The following GALM variants were observed in gnomAD, a reference collection of about 807,000 sequenced individuals.
GALM encodes the protein galactose mutarotase.
In GALM, 43 loss-of-function variants were observed where a neutral mutation model predicts 37.4. The ratio of observed to expected loss-of-function variants is 1.15; its 90% CI spans 0.90 to 1.48. GALM has a LOEUF of 1.48. GALM is among the 40% of genes most tolerant of loss of function. GALM has a pLI of 0.00. For synonymous variants in GALM, 199 were observed against 170.6 expected, an observed-to-expected ratio of 1.17 and a Z score of -1.30; for missense variants, 456 against 419.1, an observed-to-expected ratio of 1.09 and a Z score of -0.77.
intron 1 of GALM, 86 bp downstream of exon 1, chr2:38,666,437 AGGGACCAAGGGGGAAAGTCGCCTAGCTT>A (rs1385356201): frequency 7.5e-6 from 8 of 1,061,254 alleles, no homozygotes; most frequent in Non-Finnish European, 9.5e-6. Flanking sequence ...TTGCAATGCG[AGGGACCAAGGGGGAAAGTCGCCTAGCTT>A]GGGACCGTCT....
chr2:38,671,649 T>A (rs1665108127), intron 1 of GALM, among the ~76,000 whole-genome samples: 1 of 152,170 alleles, frequency 6.6e-6, no homozygotes, highest in African/African-American at 2.4e-5. Context: ...AATTTATTTG[T>A]TCTAAAGGGT....
At chr2:38,724,792 C>G (rs1301578128) in intron 4 of GALM, among the ~76,000 whole-genome samples, 6 of 152,094 alleles carry the variant, frequency 3.9e-5, no homozygotes, top group Admixed American at 3.9e-4. Flanking sequence ...TTTATTTATG[C>G]CAGACTCCTG....
chr2:38,720,249 T>G (rs888181617), intron 4 of GALM, among the ~76,000 whole-genome samples: 13 of 151,956 alleles, frequency 8.6e-5, no homozygotes, highest in Admixed American at 7.9e-4. Flanking sequence ...TTAATCTGTC[T>G]CTTCCACCAG....
At chr2:38,709,667 G>A (rs917755084) in intron 4 of GALM, among the ~76,000 whole-genome samples, 4 of 152,110 alleles carry the variant, frequency 2.6e-5, no homozygotes, top group South Asian at 2.1e-4. Context: ...TTGATGTTGT[G>A]TGATCTGTGA....
intron 4 of GALM, among the ~76,000 whole-genome samples, chr2:38,729,231 A>G (rs1055267128): frequency 5.3e-5 from 8 of 151,028 alleles, no homozygotes; most frequent in African/African-American, 2.0e-4. Flanking sequence ...TCTGTTACCT[A>G]TGCTGGAGTG....
In GALM at chr2:38,701,077, G is replaced by A. The variant is rs141729490; in HGVS notation, c.634+11183G>A. Among the ~76,000 whole-genome samples, 47 of 152,356 alleles carry A rather than the reference G, an allele frequency of 3.1e-4. No individual in the cohort carries two copies. In the East Asian group the frequency reaches 8.7e-3, roughly 28 times the overall value. Reference sequence around the variant, plus strand: ...GGACCTGATTCTAGTTCCCTGCCCTGTGGCAACAAGTAGAAACAGATCCCT... The same window carrying A: ...GGACCTGATTCTAGTTCCCTGCCCTATGGCAACAAGTAGAAACAGATCCCT... On this transcript the variant is annotated intron_variant, in intron 4 of 6. Coordinates refer to ENST00000272252, the MANE Select transcript of GALM (RefSeq NM_138801.3).
Position 38,733,491 on chromosome 2 carries a change from C to T in GALM, c.955C>T (p.Arg319Cys), listed in dbSNP as rs755343545. The stretch of plus-strand genomic sequence containing the variant: ...CTGTGTTGTTTCCCCTTCACAGCCC[C>T]GCTTCCCTCCTGTGCTGCTGAGGCC... ...QNWPDAVNQP[R>C]FPPVLLRPGE... The change falls in exon 7 of 7, where the codon CGC (arginine) becomes TGC (cysteine). Residue 319 changes from arginine (R) to cysteine (C), a missense_variant. Transcript: ENST00000272252. 46 of 1,613,608 alleles carry T rather than the reference C, an allele frequency of 2.9e-5. No individual in the cohort carries two copies. Among genetic ancestry groups the T allele is most frequent in the South Asian group, 1.5e-4 (14 of 91,082 alleles).
intron 1 of GALM, among the ~76,000 whole-genome samples, chr2:38,675,543 TTGTGTGTG>T (rs1160196072): frequency 3.0e-5 from 1 of 33,654 alleles, no homozygotes; most frequent in African/African-American, 1.0e-4. Context: ...TTTTTTTTTT[TTGTGTGTG>T]TGTGTGTGTG....
At position 38,733,866 on chromosome 2, in the gene GALM, C is replaced by G; in HGVS notation, c.*301C>G. 1 of 386,694 alleles carries G rather than the reference C, an allele frequency of 2.6e-6. No individual in the cohort carries two copies. The highest frequency in any genetic ancestry group is 4.8e-6 in the Non-Finnish European group (1 of 206,390). 24.0% of individuals were successfully genotyped at this position (386,694 alleles called of 1,614,324 possible). ...TCCCATGCTGCTGTTGGCTCCATCTCTCCACACTGCCTCTTTCTTTTCAAC... is the reference window on the plus strand; with the variant it reads ...TCCCATGCTGCTGTTGGCTCCATCTGTCCACACTGCCTCTTTCTTTTCAAC... On this transcript the variant is annotated 3_prime_UTR_variant, in exon 7 of 7. Transcript: ENST00000272252.
At chr2:38,669,247 T>G (rs1461770481) in intron 1 of GALM, 2 of 152,256 alleles carry the variant, frequency 1.3e-5, no homozygotes, top group Non-Finnish European at 2.9e-5. Flanking sequence ...GATCGACCCC[T>G]GACCTAACCA....
chr2:38,697,535 G>A (rs993337774), intron 4 of GALM, among the ~76,000 whole-genome samples: 2 of 152,090 alleles, frequency 1.3e-5, no homozygotes, highest in African/African-American at 2.4e-5. Context: ...AAACTTTAGG[G>A]GTGTTTTTCA....
intron 4 of GALM, among the ~76,000 whole-genome samples, chr2:38,693,498 A>AAG (rs1243574645): frequency 6.6e-6 from 1 of 150,574 alleles, no homozygotes; most frequent in African/African-American, 2.5e-5. Flanking sequence ...AAAAAAAAAA[A>AAG]AGAGAGAGAG....
chr2:38,710,946 G>A (rs145581248), intron 4 of GALM, among the ~76,000 whole-genome samples: 3,213 of 151,660 alleles, frequency 0.021, 120 homozygotes, highest in African/African-American at 0.074. Flanking sequence ...TAGAGACGGG[G>A]ATTCACCATC....
intron 2 of GALM, among the ~76,000 whole-genome samples, chr2:38,677,100 T>TGATCGAACAGGGTGATCC (rs1665277719): frequency 6.6e-6 from 1 of 152,208 alleles, no homozygotes; most frequent in Non-Finnish European, 1.5e-5. Context: ...TCGAACAGCT[T>TGATCGAACAGGGTGATCC]CTCCCTGGGG....
chr2:38,696,550 G>A (rs981029660), intron 4 of GALM, among the ~76,000 whole-genome samples: 10 of 150,468 alleles, frequency 6.6e-5, no homozygotes, highest in Admixed American at 3.3e-4. Flanking sequence ...TCCTGGCTCC[G>A]CCTTCCAAAT....
chr2:38,675,664 G>A (rs1274658980), intron 1 of GALM, among the ~76,000 whole-genome samples: 1 of 150,082 alleles, frequency 6.7e-6, no homozygotes, highest in Non-Finnish European at 1.5e-5. Flanking sequence ...CACCTCCCAG[G>A]TTCATGCCAT....
At chr2:38,699,482 T>A (rs1265965577) in intron 4 of GALM, among the ~76,000 whole-genome samples, 1 of 152,162 alleles carries the variant, frequency 6.6e-6, no homozygotes, top group African/African-American at 2.4e-5. Context: ...TTTAGAGCAC[T>A]AGCACTTATT....
chr2:38,667,768 C>T (rs1309526222), intron 1 of GALM, among the ~76,000 whole-genome samples: 11 of 151,916 alleles, frequency 7.2e-5, no homozygotes, highest in East Asian at 1.9e-4. Flanking sequence ...ATCTGGGAGG[C>T]GGAAGTTGCA....
chr2:38,698,614 G>A (rs1337051485), intron 4 of GALM, among the ~76,000 whole-genome samples: 1 of 152,086 alleles, frequency 6.6e-6, no homozygotes, highest in Non-Finnish European at 1.5e-5. Flanking sequence ...TCTGGCATGT[G>A]TTTTCTATGT....
Sources: gnomAD v4.1 joint callset for allele counts (sites outside exome capture counted in the v4.1 genomes callset) on GRCh38, gnomAD v4.1.1 for gene constraint, MANE v1.5 for transcripts, NCBI Gene and HGNC (gene_info 2026-07-23, HGNC 2026-07-21) for gene names.